NIBAN1: variants seen among roughly 807,000 people sequenced by gnomAD.
NIBAN1 encodes the protein protein Niban 1.
Under a neutral mutation model 75.1 loss-of-function variants are expected in NIBAN1, and 81 were observed. That is an observed-to-expected ratio of 1.08 (90% confidence interval 0.90 to 1.30). The LOEUF (loss-of-function observed/expected upper bound fraction) is 1.30. NIBAN1 is among the 50% of genes most tolerant of loss of function. The probability of loss-of-function intolerance (pLI) is 0.00; values close to 1 mark genes in which losing one functional copy is unlikely to be tolerated. For missense variants in NIBAN1, 1,133 were observed against 1,128.1 expected (o/e 1.00, Z -0.06); for synonymous variants, 436 against 424.8 (o/e 1.03, Z -0.32).
At chr1:184,870,290 C>T (rs773670424) in intron 5 of NIBAN1, among the ~76,000 whole-genome samples, 1 of 149,454 alleles carries the variant, frequency 6.7e-6, no homozygotes, top group Non-Finnish European at 1.5e-5. Flanking sequence ...AAGGTTTAAA[C>T]TCTCTTTGAT....
At chr1:184,896,529 A>G (rs972054219) in intron 2 of NIBAN1, among the ~76,000 whole-genome samples, 4 of 151,960 alleles carry the variant, frequency 2.6e-5, no homozygotes, top group African/African-American at 7.2e-5. Context: ...TTTTTTGTGT[A>G]TAGGCTTTTT....
At chr1:184,829,221 TACTATGACC>T (rs1221195001) in intron 6 of NIBAN1, among the ~76,000 whole-genome samples, 1 of 152,204 alleles carries the variant, frequency 6.6e-6, no homozygotes, top group African/African-American at 2.4e-5. Context: ...ACTAGGAGCT[TACTATGACC>T]ACTTGCACAA....
Position 184,818,915 on chromosome 1 carries a change from C to T in NIBAN1, c.986-90G>A, listed in dbSNP as rs528962478. 375 of 1,403,188 alleles carry T rather than the reference C, an allele frequency of 2.7e-4. 4 individuals carry two copies. In the South Asian group the frequency reaches 4.8e-3, roughly 18 times the overall value. The allele number at this position is 1,403,188 out of a possible 1,614,324, so 86.9% of individuals were successfully genotyped here. A position where few individuals can be genotyped will look rare whatever the true frequency, so the allele number is the denominator to read the frequency against. The stretch of plus-strand genomic sequence containing the variant: ...CAGACCAGAGCTGAATGGTGCCCCA[C>T]GGAGCCATTTAACAGCCAAGGCAAG... On this transcript the variant is annotated intron_variant, in intron 8 of 13. Coordinates refer to ENST00000367511, the MANE Select transcript of NIBAN1 (RefSeq NM_052966.4).
In NIBAN1 at chr1:184,946,475, G is replaced by A. The variant is rs1216528350; in HGVS notation, c.55+27827C>T. Among the ~76,000 whole-genome samples the A allele has an allele frequency of 2.6e-5, 4 of 151,990 alleles. No homozygotes were observed. The South Asian group carries it at 6.2e-4, about 24-fold the overall frequency. On this transcript the variant is annotated intron_variant, in intron 1 of 13. Coordinates refer to ENST00000367511, the MANE Select transcript of NIBAN1 (RefSeq NM_052966.4). ...ATTGTAGATCTGATTCTCAAAAAGAGGAAAGAGGAAGGATGAATGGAAATG... is the reference window on the plus strand; with the variant it reads ...ATTGTAGATCTGATTCTCAAAAAGAAGAAAGAGGAAGGATGAATGGAAATG...
intron 2 of NIBAN1, among the ~76,000 whole-genome samples, chr1:184,897,672 C>T (rs1333128551): frequency 6.6e-6 from 1 of 152,204 alleles, no homozygotes; most frequent in East Asian, 1.9e-4. Flanking sequence ...GCATCTCAAA[C>T]TTAACATGGC....
intron 5 of NIBAN1, among the ~76,000 whole-genome samples, chr1:184,836,276 G>A (rs1172426114): frequency 6.6e-6 from 1 of 152,138 alleles, no homozygotes. Flanking sequence ...ATTTTTAACA[G>A]CTGTTTTCAT....
chr1:184,808,348 T>A, intron 9 of NIBAN1, 113 bp from the exon 10 acceptor site: 1 of 1,080,522 alleles, frequency 9.3e-7, no homozygotes, highest in Non-Finnish European at 1.3e-6. Context: ...TTAAAGTGAA[T>A]CACTACTTGG....
chr1:184,829,323 A>T (rs977459033), intron 6 of NIBAN1, among the ~76,000 whole-genome samples: 3 of 151,990 alleles, frequency 2.0e-5, no homozygotes, highest in African/African-American at 7.2e-5. Flanking sequence ...CATGTTTTCT[A>T]TGTGTGTCTC....
At position 184,974,389 on chromosome 1, in the gene NIBAN1, T is replaced by G. The variant is rs760999060; in HGVS notation, c.-33A>C. ...AGCTGCCTGTGCTGAGCGCGGAAAC[T>G]GCCCGGTCCGCGCCCGCTGCTAGCT... On this transcript the variant is annotated 5_prime_UTR_variant, in exon 1 of 14. Transcript: ENST00000367511. 2.6e-6 allele frequency: 4 copies of G among 1,541,384 alleles called. No homozygotes were observed. The highest frequency in any genetic ancestry group is 1.7e-4 in the Middle Eastern group (1 of 6,020).
chr1:184,859,055 G>A (rs1453194791), intron 5 of NIBAN1, among the ~76,000 whole-genome samples: 1 of 151,900 alleles, frequency 6.6e-6, no homozygotes, highest in African/African-American at 2.4e-5. Context: ...AATTCCTACA[G>A]GAGTTCTAAT....
At chr1:184,911,928 A>G (rs1054583767) in intron 1 of NIBAN1, among the ~76,000 whole-genome samples, 24 of 152,176 alleles carry the variant, frequency 1.6e-4, no homozygotes, top group African/African-American at 5.6e-4. Context: ...AAAAAATTTT[A>G]AACAAAATAC....
At chr1:184,927,696 T>A (rs1049840445) in intron 1 of NIBAN1, among the ~76,000 whole-genome samples, 2 of 152,016 alleles carry the variant, frequency 1.3e-5, no homozygotes, top group African/African-American at 4.8e-5. Context: ...GCCCTACAAT[T>A]AGCAGATAGC....
intron 9 of NIBAN1, among the ~76,000 whole-genome samples, chr1:184,809,959 G>A (rs338571): frequency 0.29 from 44,711 of 151,900 alleles, 7,646 homozygotes; most frequent in East Asian, 0.47. Context: ...TGTGTTTTAT[G>A]TGCTAGATAA....
intron 1 of NIBAN1, among the ~76,000 whole-genome samples, chr1:184,970,349 C>T (rs947653304): frequency 4.6e-5 from 7 of 151,932 alleles, no homozygotes; most frequent in African/African-American, 1.7e-4. Flanking sequence ...GTTCTTATGC[C>T]CATCTCCCAC....
chr1:184,974,501 C>T lies in NIBAN1; in HGVS notation c.-145G>A, dbSNP rs920645794. ...GCGAGAGACAGGAGGCAAGAGGCGT[C>T]GCCTTCTGGGGCGCCTCCTCCAGGT... On this transcript the variant is annotated 5_prime_UTR_variant, in exon 1 of 14. Coordinates refer to ENST00000367511, the MANE Select transcript of NIBAN1 (RefSeq NM_052966.4). 6.2e-6 allele frequency: 7 copies of T among 1,127,848 alleles called. No individual in the cohort carries two copies. Among genetic ancestry groups the T allele is most frequent in the African/African-American group, 1.6e-5 (1 of 60,848 alleles). The allele number at this position is 1,127,848 out of a possible 1,614,324, so 69.9% of individuals were successfully genotyped here. A position where few individuals can be genotyped will look rare whatever the true frequency, so the allele number is the denominator to read the frequency against.
At chr1:184,842,960 G>T (rs1307178461) in intron 5 of NIBAN1, among the ~76,000 whole-genome samples, 3 of 152,116 alleles carry the variant, frequency 2.0e-5, no homozygotes, top group Non-Finnish European at 2.9e-5. Flanking sequence ...GTTCTTGAAT[G>T]CTTAGCGTCT....
chr1:184,929,079 G>C (rs1420543067), intron 1 of NIBAN1, among the ~76,000 whole-genome samples: 1 of 152,028 alleles, frequency 6.6e-6, no homozygotes, highest in Non-Finnish European at 1.5e-5. Flanking sequence ...TTTCTTAATA[G>C]TTTCATTACA....
At chr1:184,810,602 C>T (rs1452203959) in intron 9 of NIBAN1, among the ~76,000 whole-genome samples, 1 of 152,256 alleles carries the variant, frequency 6.6e-6, no homozygotes, top group Non-Finnish European at 1.5e-5. Context: ...AGCAGCCATA[C>T]TTCAACTACT....
intron 5 of NIBAN1, among the ~76,000 whole-genome samples, chr1:184,844,628 T>C (rs1488172471): frequency 1.3e-5 from 2 of 152,184 alleles, no homozygotes; most frequent in Non-Finnish European, 2.9e-5. Flanking sequence ...ATAAAAATAA[T>C]AGGCACAATA....
Sources: gnomAD v4.1 joint callset for allele counts (sites outside exome capture counted in the v4.1 genomes callset) on GRCh38, gnomAD v4.1.1 for gene constraint, MANE v1.5 for transcripts, NCBI Gene and HGNC (gene_info 2026-07-23, HGNC 2026-07-21) for gene names.